Variants in CRHR2 observed in about 807,000 individuals in gnomAD.
The protein encoded by CRHR2 is corticotropin-releasing hormone receptor 2.
Under a neutral mutation model 57.9 loss-of-function variants are expected in CRHR2, and 53 were observed. That is an observed-to-expected ratio of 0.92 (90% CI 0.73 to 1.15). The LOEUF is 1.15. Ranked by LOEUF, CRHR2 falls within the 50% of genes most tolerant of loss-of-function variation. CRHR2 has a pLI of 0.00. For synonymous variants in CRHR2, 213 were observed against 220.9 expected, an observed-to-expected ratio of 0.96 and a Z score of 0.32; for missense variants, 532 against 542.6, an observed-to-expected ratio of 0.98 and a Z score of 0.19.
chr7:30,672,740 T>G (rs1333282314), intron 2 of CRHR2, among the ~76,000 whole-genome samples: 1 of 152,190 alleles, frequency 6.6e-6, no homozygotes, highest in African/African-American at 2.4e-5. Context: ...GGCAGCATTC[T>G]CCAGGTTCCT....
Position 30,653,703 on chromosome 7 carries a change from T to C in CRHR2, c.1096-103A>G. On this transcript the variant is annotated intron_variant, in intron 11 of 11. Coordinates refer to ENST00000471646, the MANE Select transcript of CRHR2 (RefSeq NM_001883.5). This position sits in a 1 kb window ranked among gnomAD's most constrained non-coding sequence, Gnocchi z 5.0. Reference sequence around the variant, plus strand: ...TGCTCTCATGGGTCGACTGCCACCCTCATGACAAGGAACTGTCTGCTTCCA... The same window carrying C: ...TGCTCTCATGGGTCGACTGCCACCCCCATGACAAGGAACTGTCTGCTTCCA... 1 of 1,378,732 alleles carries C rather than the reference T, an allele frequency of 7.3e-7. No individual in the cohort carries two copies. The highest frequency in any genetic ancestry group is 1.4e-5 in the African/African-American group (1 of 68,986). The allele number at this position is 1,378,732 out of a possible 1,614,324, so 85.4% of individuals were successfully genotyped here.
At chr7:30,679,878 T>C (rs111635487) in intron 2 of CRHR2, among the ~76,000 whole-genome samples, 93 of 152,292 alleles carry the variant, frequency 6.1e-4, no homozygotes, top group Admixed American at 1.4e-3. Flanking sequence ...TCTTCCCACC[T>C]AGGCTGACCT....
chr7:30,674,280 G>A (rs1044674156), intron 2 of CRHR2, among the ~76,000 whole-genome samples: 1 of 152,222 alleles, frequency 6.6e-6, no homozygotes, highest in African/African-American at 2.4e-5. Context: ...GAGGGGCAGT[G>A]GGAGGAGGCC....
At chr7:30,697,760 C>A (rs1252541694) in intron 1 of CRHR2, among the ~76,000 whole-genome samples, 2 of 152,176 alleles carry the variant, frequency 1.3e-5, no homozygotes, top group East Asian at 1.9e-4. Flanking sequence ...GGCCCTGGGG[C>A]CTTACCCCCA....
intron 1 of CRHR2, among the ~76,000 whole-genome samples, chr7:30,694,324 G>A (rs1442870358): frequency 6.6e-6 from 1 of 152,228 alleles, no homozygotes; most frequent in Non-Finnish European, 1.5e-5. Flanking sequence ...CCTTAGAAGA[G>A]GCAAAGGAGA....
At chr7:30,660,707 T>C (rs1584089781) in intron 7 of CRHR2, 62 bp from the exon 8 acceptor site, 3 of 1,503,026 alleles carry the variant, frequency 2.0e-6, no homozygotes, top group African/African-American at 2.8e-5. Context: ...CCCCACAGAC[T>C]TGGGCCCAGG....
intron 2 of CRHR2, among the ~76,000 whole-genome samples, chr7:30,671,802 G>GTGATGATGATGA (rs10577644): frequency 7.0e-6 from 1 of 143,866 alleles, no homozygotes; most frequent in African/African-American, 2.7e-5. Context: ...GTGAGACCCT[G>GTGATGATGATGA]TGATGATGAT....
rs1229661886 is a variant in CRHR2, at chr7:30,667,343, G to C, written c.230-30C>G. On this transcript the variant is annotated intron_variant, in intron 2 of 11. Coordinates refer to ENST00000471646, the MANE Select transcript of CRHR2 (RefSeq NM_001883.5). ...AAAAAATGCCAACTGCCAAGAGTCA[G>C]GTCACTCCCCTCCTCAAGAACCCTC... The C allele has an allele frequency of 3.1e-6, 5 of 1,602,414 alleles. No individual in the cohort carries two copies. In the Admixed American group the frequency reaches 5.0e-5, roughly 16 times the overall value.
At chr7:30,699,908 CG>C in intron 1 of CRHR2, 1 of 1,480,260 alleles carries the variant, frequency 6.8e-7, no homozygotes, top group Non-Finnish European at 9.0e-7. Flanking sequence ...GTGCTCCTGG[CG>C]CCCCACCTCG....
rs759753958 is a variant in CRHR2 at position 30,682,276 on chromosome 7, T to G, written c.5A>C (p.Asp2Ala). The stretch of plus-strand genomic sequence containing the variant: ...CAGCAGGCTGTGGAGCAGTGCCGCG[T>G]CCATCGCGTCCCGCAGCCGCGTGCG... MDAALLHSLLEA... is the reference protein window; with the variant it reads MAAALLHSLLEA... Residue 2 changes from aspartate (D) to alanine (A), a missense_variant, in exon 1 of 12, where the codon GAC becomes GCC. Physicochemically the swap from Asp to Ala is moderately radical, Grantham distance 126. Transcript: ENST00000471646. 5 of 1,568,476 alleles carry G rather than the reference T, an allele frequency of 3.2e-6. No individual in the cohort carries two copies. The highest frequency in any genetic ancestry group is 4.3e-6 in the Non-Finnish European group (5 of 1,165,328).
chr7:30,656,449 T>C lies in CRHR2; in HGVS notation c.832-437A>G, dbSNP rs1477598071. Among the ~76,000 whole-genome samples, 1 of 152,178 alleles carries C rather than the reference T, an allele frequency of 6.6e-6. No individual in the cohort carries two copies. Among genetic ancestry groups the C allele is most frequent in the Non-Finnish European group, 1.5e-5 (1 of 68,016 alleles). ...GCTCTAGGTCGGCCTGAGGTCCTTC[T>C]GACTGAGGACAGCACTGCCATGGTG... On this transcript the variant is annotated intron_variant, in intron 8 of 11. Coordinates refer to ENST00000471646, the MANE Select transcript of CRHR2 (RefSeq NM_001883.5). The surrounding 1 kb of genome is among the most constrained non-coding windows in gnomAD (Gnocchi z 4.4).
chr7:30,694,245 T>A (rs1479325673), intron 1 of CRHR2, among the ~76,000 whole-genome samples: 3 of 152,224 alleles, frequency 2.0e-5, no homozygotes, highest in African/African-American at 7.2e-5. Flanking sequence ...AACTTTGCTC[T>A]GAGCCTAGCC....
At chr7:30,659,854 G>GGAGCCTGAAATTACT (rs1255145291) in intron 8 of CRHR2, among the ~76,000 whole-genome samples, 3 of 152,350 alleles carry the variant, frequency 2.0e-5, no homozygotes, top group African/African-American at 7.2e-5. Flanking sequence ...GGTACATACA[G>GGAGCCTGAAATTACT]GAGCCTGAAA....
Position 30,653,628 on chromosome 7 carries a change from C to T in CRHR2, c.1096-28G>A, listed in dbSNP as rs747361357. 5.0e-6 allele frequency: 8 copies of T among 1,589,646 alleles called. No homozygotes were observed. Among genetic ancestry groups the T allele is most frequent in the Non-Finnish European group, 6.8e-6 (8 of 1,171,882 alleles). ...GTGGGGAAGGCAGAGGCTCAGCTGG[C>T]TCCCAGGGACCAACCCTGGGCTTCT... On this transcript the variant is annotated intron_variant, in intron 11 of 11. Coordinates refer to ENST00000471646, the MANE Select transcript of CRHR2 (RefSeq NM_001883.5). This position sits in a 1 kb window ranked among gnomAD's most constrained non-coding sequence, Gnocchi z 5.0.
intron 1 of CRHR2, 23 bp downstream of exon 1, chr7:30,682,155 C>G (rs753883318): frequency 6.8e-5 from 105 of 1,546,002 alleles, no homozygotes; most frequent in Non-Finnish European, 8.8e-5. Flanking sequence ...CGCGCAGCCT[C>G]CGACCGCTCG....
In CRHR2 at chr7:30,652,639, G is replaced by C. The variant is rs1783631378; in HGVS notation, c.*821C>G. 1 of 152,376 alleles carries C rather than the reference G, an allele frequency of 6.6e-6. No homozygotes were observed. The highest frequency in any genetic ancestry group is 1.5e-5 in the Non-Finnish European group (1 of 68,138). 9.4% of individuals were successfully genotyped at this position (152,376 alleles called of 1,614,324 possible). A position where few individuals can be genotyped will look rare whatever the true frequency, so the allele number is the denominator to read the frequency against. ...AGAGATGTTTCTGAAGGGGAGACTG[G>C]AGGGCAAAGGGCAATGGGGTATGAG... On this transcript the variant is annotated 3_prime_UTR_variant, in exon 12 of 12. Coordinates refer to ENST00000471646, the MANE Select transcript of CRHR2 (RefSeq NM_001883.5). The surrounding 1 kb of genome is among the most constrained non-coding windows in gnomAD (Gnocchi z 4.4).
Position 30,691,709 on chromosome 7 carries a change from A to G in CRHR2, c.-260-2425T>C, listed in dbSNP as rs150204135. ...ATCCCAGATCCTGGCTTCATCTCCTATAACTTCTCTGCTGGCCCCAAAAGC... is the reference window on the plus strand; with the variant it reads ...ATCCCAGATCCTGGCTTCATCTCCTGTAACTTCTCTGCTGGCCCCAAAAGC... On this transcript the variant is annotated intron_variant, in intron 1 of 13. Transcript: ENST00000341843. 3.4e-3 allele frequency among the ~76,000 whole-genome samples: 517 copies of G among 152,334 alleles called. 4 individuals are homozygous for G. Among genetic ancestry groups the G allele is most frequent in the African/African-American group, 0.012 (495 of 41,586 alleles).
At chr7:30,697,355 T>G (rs984283183) in intron 1 of CRHR2, among the ~76,000 whole-genome samples, 5 of 152,148 alleles carry the variant, frequency 3.3e-5, no homozygotes, top group Non-Finnish European at 7.4e-5. Flanking sequence ...GCTGAGAGGC[T>G]CCTGTGATCT....
upstream of CRHR2, chr7:30,682,488 C>T (rs1362588759): frequency 3.0e-6 from 4 of 1,320,200 alleles, no homozygotes; most frequent in Middle Eastern, 2.8e-4. Context: ...CCGCCGAGTG[C>T]ACGGAGCTGC....
Sources: gnomAD v4.1 joint callset for allele counts (sites outside exome capture counted in the v4.1 genomes callset) on GRCh38, gnomAD v4.1.1 for gene constraint, Gnocchi (gnomAD v3.1) non-coding constraint, MANE v1.5 for transcripts, NCBI Gene and HGNC (gene_info 2026-07-23, HGNC 2026-07-21) for gene names.